F2: variants seen among roughly 807,000 people sequenced by gnomAD.
F2 encodes the protein coagulation factor II, thrombin.
F2 carries 34 observed loss-of-function variants against 81.9 expected under a neutral mutation model. That is an observed-to-expected ratio of 0.42 (90% CI 0.32 to 0.55). The LOEUF (loss-of-function observed/expected upper bound fraction) is 0.55, where lower values mean the gene tolerates loss of function less well. F2 is among the 20% of genes least tolerant of loss of function. The pLI, the probability that F2 is intolerant of heterozygous loss-of-function variation, is 0.18. For missense variants in F2, 630 were observed against 833.4 expected (o/e 0.76, Z 3.00); for synonymous variants, 296 against 326.4 (o/e 0.91, Z 1.01).
At chr11:46,734,981 T>C (rs2064935311) in intron 12 of F2, among the ~76,000 whole-genome samples, 2 of 152,196 alleles carry the variant, frequency 1.3e-5, no homozygotes, top group African/African-American at 4.8e-5. Context: ...TCTAATTTAT[T>C]ATTTTCCAAA....
intron 6 of F2, among the ~76,000 whole-genome samples, chr11:46,724,394 G>A (rs142303943): frequency 1.1e-4 from 16 of 152,274 alleles, no homozygotes; most frequent in South Asian, 2.1e-4. Flanking sequence ...CTGGCTCCTC[G>A]TTGAGGGTTG....
Position 46,728,308 on chromosome 11 carries a change from C to T in F2, c.1298+145C>T. 1 of 978,268 alleles carries T rather than the reference C, an allele frequency of 1.0e-6. No individual in the cohort carries two copies. 60.6% of individuals were successfully genotyped at this position (978,268 alleles called of 1,614,324 possible). A position where few individuals can be genotyped will look rare whatever the true frequency, so the allele number is the denominator to read the frequency against. ...TCCCAGCAGTCTCTGCTGGAAAGCC[C>T]ATTTGGTCACGTCCTGACTGAGGCT... On this transcript the variant is annotated intron_variant, in intron 10 of 13. Coordinates refer to ENST00000311907, the MANE Select transcript of F2 (RefSeq NM_000506.5). This position sits in a 1 kb window ranked among gnomAD's most constrained non-coding sequence, Gnocchi z 5.1.
rs2064872524 is a variant in F2 at position 46,726,270 on chromosome 11, G to A, written c.874+97G>A. On this transcript the variant is annotated intron_variant, in intron 7 of 13. Coordinates refer to ENST00000311907, the MANE Select transcript of F2 (RefSeq NM_000506.5). This position sits in a 1 kb window ranked among gnomAD's most constrained non-coding sequence, Gnocchi z 5.9. ...TTATCGAACGCTTACCTCATTGAGTGCGCTCATTACAGCCTTACAGTAACC... is the reference window on the plus strand; with the variant it reads ...TTATCGAACGCTTACCTCATTGAGTACGCTCATTACAGCCTTACAGTAACC... 2 of 1,523,864 alleles carry A rather than the reference G, an allele frequency of 1.3e-6. No individual in the cohort carries two copies. Among genetic ancestry groups the A allele is most frequent in the Non-Finnish European group, 1.8e-6 (2 of 1,121,624 alleles). 94.4% of individuals were successfully genotyped at this position (1,523,864 alleles called of 1,614,324 possible). A position where few individuals can be genotyped will look rare whatever the true frequency, so the allele number is the denominator to read the frequency against.
At chr11:46,720,900 C>T in intron 4 of F2, 60 bp downstream of exon 4, 4 of 1,599,968 alleles carry the variant, frequency 2.5e-6, no homozygotes, top group Non-Finnish European at 3.4e-6. Context: ...GAGAAGAGCT[C>T]AGGGGTGGGT....
chr11:46,737,257 T>C (rs2064949519), intron 12 of F2, among the ~76,000 whole-genome samples: 1 of 151,810 alleles, frequency 6.6e-6, no homozygotes, highest in Non-Finnish European at 1.5e-5. Flanking sequence ...TTCTCCTGCC[T>C]CAGCCTCCCC....
At position 46,719,410 on chromosome 11, in the gene F2, C is replaced by G; in HGVS notation, c.79+96C>G. On this transcript the variant is annotated intron_variant, in intron 1 of 13. Transcript: ENST00000311907. The surrounding 1 kb of genome is among the most constrained non-coding windows in gnomAD (Gnocchi z 4.7). The stretch of plus-strand genomic sequence containing the variant: ...GCTGGACAGAGCACACAGAGCTGGC[C>G]CCTAAGTAGGTCTCAGCCCCAGGCG... 1.4e-6 allele frequency: 2 copies of G among 1,418,412 alleles called. No homozygotes were observed. Among genetic ancestry groups the G allele is most frequent in the South Asian group, 2.5e-5 (2 of 81,550 alleles). The allele number at this position is 1,418,412 out of a possible 1,614,324, so 87.9% of individuals were successfully genotyped here.
chr11:46,729,712 T>A, intron 12 of F2, 151 bp downstream of exon 12: 1 of 840,346 alleles, frequency 1.2e-6, no homozygotes, highest in Non-Finnish European at 1.8e-6. Context: ...TAAAAGTCTC[T>A]ATCCCATAAG....
rs1303639288 is a variant in F2, at chr11:46,723,783, T to C, written c.559+265T>C. Among the ~76,000 whole-genome samples the C allele has an allele frequency of 6.6e-6, 1 of 151,836 alleles. No homozygotes were observed. Among genetic ancestry groups the C allele is most frequent in the Non-Finnish European group, 1.5e-5 (1 of 67,934 alleles). ...TGGGCGCCTGTAATCCCAACTACTC[T>C]GGAGGCTGAGGCACGAGAATCGCTT... On this transcript the variant is annotated intron_variant, in intron 6 of 13. Transcript: ENST00000311907. The surrounding 1 kb of genome is among the most constrained non-coding windows in gnomAD (Gnocchi z 5.6).
intron 12 of F2, among the ~76,000 whole-genome samples, chr11:46,736,532 A>C (rs2064945299): frequency 6.6e-6 from 1 of 152,044 alleles, no homozygotes. Flanking sequence ...TCCTGGGCTC[A>C]AGTGATCCTC....
At chr11:46,725,069 C>CTTTTTT (rs71455298) in intron 6 of F2, among the ~76,000 whole-genome samples, 8 of 106,242 alleles carry the variant, frequency 7.5e-5, no homozygotes, top group Admixed American at 1.0e-4. Flanking sequence ...TGCGCCCGGC[C>CTTTTTT]TTTTTTTTTT....
chr11:46,719,527 C>A lies in F2; in HGVS notation c.80-175C>A. 2.1e-6 allele frequency: 2 copies of A among 943,000 alleles called. No individual in the cohort carries two copies. Among genetic ancestry groups the A allele is most frequent in the Non-Finnish European group, 3.2e-6 (2 of 617,096 alleles). 58.4% of individuals were successfully genotyped at this position (943,000 alleles called of 1,614,324 possible). On this transcript the variant is annotated intron_variant, in intron 1 of 13. Coordinates refer to ENST00000311907, the MANE Select transcript of F2 (RefSeq NM_000506.5). This position sits in a 1 kb window ranked among gnomAD's most constrained non-coding sequence, Gnocchi z 4.7. Reference sequence around the variant, plus strand: ...TAGGGAGCAGGCTGGGGGCAAGGGGCAGTGTAGGAGGGGCACAGGGGGCCA... The same window carrying A: ...TAGGGAGCAGGCTGGGGGCAAGGGGAAGTGTAGGAGGGGCACAGGGGGCCA...
At chr11:46,720,767 G>A (rs759846816) in intron 3 of F2, 23 bp from the exon 4 acceptor site, 2 of 1,613,916 alleles carry the variant, frequency 1.2e-6, no homozygotes, top group Admixed American at 3.3e-5. Flanking sequence ...AATCCCAAAG[G>A]TAAACACCTG....
intron 12 of F2, among the ~76,000 whole-genome samples, chr11:46,735,928 G>A (rs2064941637): frequency 1.3e-5 from 2 of 150,778 alleles, no homozygotes; most frequent in Non-Finnish European, 3.0e-5. Flanking sequence ...CGTTTCGCCA[G>A]GTGCGGTGGC....
intron 12 of F2, among the ~76,000 whole-genome samples, chr11:46,738,020 C>A (rs890910883): frequency 6.6e-6 from 1 of 151,330 alleles, no homozygotes; most frequent in Non-Finnish European, 1.5e-5. Context: ...TTTTTCGAGA[C>A]AGAGTCTTGT....
At chr11:46,721,320 G>C (rs2064834943) in intron 4 of F2, among the ~76,000 whole-genome samples, 1 of 152,196 alleles carries the variant, frequency 6.6e-6, no homozygotes, top group African/African-American at 2.4e-5. Context: ...GATTATAGAA[G>C]TGAGCCACCG....
chr11:46,739,446 G>A lies in F2; in HGVS notation c.*38G>A, dbSNP rs773848443. 3.0e-5 allele frequency: 48 copies of A among 1,612,664 alleles called. No individual in the cohort carries two copies. The highest frequency in any genetic ancestry group is 1.1e-4 in the South Asian group (10 of 91,012). ...ATTCTGGGCTCCTGGAACCAATCCC[G>A]TGAAAGAATTATTTTTGTGTTTCTA... is the stretch of plus-strand genomic sequence containing the variant. On this transcript the variant is annotated 3_prime_UTR_variant, in exon 14 of 14. Transcript: ENST00000311907.
At chr11:46,738,154 A>G (rs1035629668) in intron 12 of F2, among the ~76,000 whole-genome samples, 1 of 151,648 alleles carries the variant, frequency 6.6e-6, no homozygotes, top group African/African-American at 2.4e-5. Flanking sequence ...GCGCACACCA[A>G]CATGTCTGGC....
chr11:46,729,704 A>G, intron 12 of F2, 143 bp downstream of exon 12: 1 of 880,976 alleles, frequency 1.1e-6, no homozygotes, highest in South Asian at 1.7e-5. Context: ...AATGGAGGTA[A>G]AAGTCTCTAT....
In F2 at chr11:46,719,399, A is replaced by T. The variant is rs2064821022; in HGVS notation, c.79+85A>T. On this transcript the variant is annotated intron_variant, in intron 1 of 13. Coordinates refer to ENST00000311907, the MANE Select transcript of F2 (RefSeq NM_000506.5). This position sits in a 1 kb window ranked among gnomAD's most constrained non-coding sequence, Gnocchi z 4.7. ...GGGGTCTCCTGGCTGGACAGAGCAC[A>T]CAGAGCTGGCCCCTAAGTAGGTCTC... is the stretch of plus-strand genomic sequence containing the variant. The T allele has an allele frequency of 6.8e-7, 1 of 1,472,232 alleles. No individual in the cohort carries two copies. Among genetic ancestry groups the T allele is most frequent in the African/African-American group, 1.4e-5 (1 of 71,768 alleles). 91.2% of individuals were successfully genotyped at this position (1,472,232 alleles called of 1,614,324 possible). A position where few individuals can be genotyped will look rare whatever the true frequency, so the allele number is the denominator to read the frequency against.
Sources: allele counts gnomAD v4.1 joint callset (sites outside exome capture counted in the v4.1 genomes callset), GRCh38; gene constraint gnomAD v4.1.1; non-coding constraint Gnocchi (gnomAD v3.1); transcripts MANE v1.5; gene names NCBI Gene and HGNC (gene_info 2026-07-23, HGNC 2026-07-21).